ABHD6: variants seen among roughly 807,000 people sequenced by gnomAD.
ABHD6 encodes abhydrolase domain containing 6, acylglycerol lipase, also known as monoacylglycerol lipase ABHD6.
A neutral mutation model predicts 38.8 loss-of-function variants in ABHD6; 33 were observed. That is an observed-to-expected ratio of 0.85 (90% CI 0.64 to 1.14). The LOEUF (loss-of-function observed/expected upper bound fraction) is 1.14. ABHD6 is among the 50% of genes most tolerant of loss of function. The probability of loss-of-function intolerance (pLI) is 0.00; values close to 1 mark genes in which losing one functional copy is unlikely to be tolerated. For synonymous variants in ABHD6, 147 were observed against 161.6 expected (o/e 0.91, Z 0.69); for missense variants, 380 against 422.6 (o/e 0.90, Z 0.88).
intron 1 of ABHD6, among the ~76,000 whole-genome samples, chr3:58,245,523 A>G (rs1032908750): frequency 1.3e-5 from 2 of 151,914 alleles, no homozygotes; most frequent in African/African-American, 2.4e-5. Flanking sequence ...TCATGCCTGT[A>G]ATCCCAGCAC....
intron 7 of ABHD6, among the ~76,000 whole-genome samples, chr3:58,279,492 C>G (rs2097451318): frequency 6.6e-6 from 1 of 152,050 alleles, no homozygotes; most frequent in Non-Finnish European, 1.5e-5. Flanking sequence ...CTATGTGTGT[C>G]TCTGCATGTG....
Position 58,290,035 on chromosome 3 carries a change from G to C in ABHD6, c.838-3554G>C, listed in dbSNP as rs1366296721. Among the ~76,000 whole-genome samples the C allele has an allele frequency of 1.3e-4, 17 of 129,252 alleles. No homozygotes were observed. The South Asian group carries it at 3.3e-3, about 25-fold the overall frequency. 84.8% of individuals were successfully genotyped at this position (129,252 alleles called of 152,430 possible). A position where few individuals can be genotyped will look rare whatever the true frequency, so the allele number is the denominator to read the frequency against. On this transcript the variant is annotated intron_variant, in intron 9 of 9. Coordinates refer to ENST00000478253, the MANE Select transcript of ABHD6 (RefSeq NM_001320126.2). ...TCCCGGACGGGGCGGCTGGCCGGGCGGGGGGCTGACATCCCCACCTCCCTC... is the reference window on the plus strand; with the variant it reads ...TCCCGGACGGGGCGGCTGGCCGGGCCGGGGGCTGACATCCCCACCTCCCTC...
rs772920803 is a variant in ABHD6, at chr3:58,267,265, G to A, written c.196G>A (p.Gly66Ser). The change falls in exon 4 of 10, where the codon GGC (glycine) becomes AGC (serine). Residue 66 changes from glycine to serine, a missense_variant. By Grantham distance (56) the Gly-to-Ser change is moderately conservative (BLOSUM62 0). Transcript: ENST00000478253. This position sits in a 1 kb window ranked among gnomAD's most constrained non-coding sequence, Gnocchi z 4.3. ...EDYQFCYSFR[G>S]RPGHKPSILM... ...CTATCAGTTCTGTTATTCCTTCCGGGGCAGGCCTGGGCACAAACCCTCCAT... is the reference window on the plus strand; with the variant it reads ...CTATCAGTTCTGTTATTCCTTCCGGAGCAGGCCTGGGCACAAACCCTCCAT... 1.4e-5 allele frequency: 23 copies of A among 1,614,110 alleles called. No homozygotes were observed. In the African/African-American group the frequency reaches 2.9e-4, roughly 21 times the overall value.
Position 58,238,823 on chromosome 3 carries a change from C to T in ABHD6, c.-91+907C>T, listed in dbSNP as rs1467276279. On this transcript the variant is annotated intron_variant, in intron 1 of 9. Transcript: ENST00000478253. This position sits in a 1 kb window ranked among gnomAD's most constrained non-coding sequence, Gnocchi z 6.9. ...GGGACCTGGAGGCCCTCATTTATCTCGCCGCCCCCCTCCCCGCTGCTCCCG... is the reference window on the plus strand; with the variant it reads ...GGGACCTGGAGGCCCTCATTTATCTTGCCGCCCCCCTCCCCGCTGCTCCCG... 1.3e-5 allele frequency among the ~76,000 whole-genome samples: 2 copies of T among 152,160 alleles called. No individual in the cohort carries two copies. The highest frequency in any genetic ancestry group is 2.4e-5 in the African/African-American group (1 of 41,436).
chr3:58,271,409 T>A (rs893877271), intron 6 of ABHD6, among the ~76,000 whole-genome samples: 3 of 152,196 alleles, frequency 2.0e-5, no homozygotes, highest in Non-Finnish European at 4.4e-5. Flanking sequence ...CTTTGAAATA[T>A]AATGTTACTA....
At chr3:58,281,915 A>T (rs11717783) in intron 7 of ABHD6, among the ~76,000 whole-genome samples, 14,073 of 152,228 alleles carry the variant, frequency 0.092, 758 homozygotes, top group African/African-American at 0.13. Flanking sequence ...TAGGAGTTCA[A>T]GACCAGCCTG....
At position 58,263,489 on chromosome 3, in the gene ABHD6, C is replaced by T. The variant is rs1049743205; in HGVS notation, c.120-3700C>T. Among the ~76,000 whole-genome samples the T allele has an allele frequency of 6.6e-6, 1 of 152,112 alleles. No individual in the cohort carries two copies. The highest frequency in any genetic ancestry group is 1.5e-5 in the Non-Finnish European group (1 of 68,032). On this transcript the variant is annotated intron_variant, in intron 3 of 9. Coordinates refer to ENST00000478253, the MANE Select transcript of ABHD6 (RefSeq NM_001320126.2). This position sits in a 1 kb window ranked among gnomAD's most constrained non-coding sequence, Gnocchi z 4.9. The stretch of plus-strand genomic sequence containing the variant: ...GATGTACCAATTAAATGAAAAATAT[C>T]GAGTAGTACCAAAGAGCTCTGTCTG...
rs1034884954 is a variant in ABHD6, at chr3:58,265,692, G to T, written c.120-1497G>T. ...CAGACTAGATAATTTATAAAGAAAA[G>T]AAATTTGTTTGGCTTATTGTTCTGG... On this transcript the variant is annotated intron_variant, in intron 3 of 9. Coordinates refer to ENST00000478253, the MANE Select transcript of ABHD6 (RefSeq NM_001320126.2). This position sits in a 1 kb window ranked among gnomAD's most constrained non-coding sequence, Gnocchi z 4.2. Among the ~76,000 whole-genome samples, 21 of 152,174 alleles carry T rather than the reference G, an allele frequency of 1.4e-4. No individual in the cohort carries two copies. The highest frequency in any genetic ancestry group is 2.1e-4 in the Non-Finnish European group (14 of 68,032).
At chr3:58,283,777 A>G (rs1480890989) in intron 7 of ABHD6, among the ~76,000 whole-genome samples, 1 of 152,204 alleles carries the variant, frequency 6.6e-6, no homozygotes, top group Non-Finnish European at 1.5e-5. Context: ...TTCAGGATGG[A>G]TGGCTGCATT....
Position 58,267,048 on chromosome 3 carries a change from A to G in ABHD6, c.120-141A>G. 1.1e-6 allele frequency: 1 copy of G among 897,322 alleles called. No homozygotes were observed. The highest frequency in any genetic ancestry group is 1.7e-5 in the African/African-American group (1 of 59,934). 55.6% of individuals were successfully genotyped at this position (897,322 alleles called of 1,614,324 possible). Reference sequence around the variant, plus strand: ...TGAGGGTAAAGCTCAGGAGGACTCTAGAGACTGATGGAGGACAAGGGCTGG... The same window carrying G: ...TGAGGGTAAAGCTCAGGAGGACTCTGGAGACTGATGGAGGACAAGGGCTGG... On this transcript the variant is annotated intron_variant, in intron 3 of 9. Coordinates refer to ENST00000478253, the MANE Select transcript of ABHD6 (RefSeq NM_001320126.2). This position sits in a 1 kb window ranked among gnomAD's most constrained non-coding sequence, Gnocchi z 4.3.
At chr3:58,289,327 C>G (rs1325741953) in intron 9 of ABHD6, among the ~76,000 whole-genome samples, 1 of 151,466 alleles carries the variant, frequency 6.6e-6, no homozygotes, top group African/African-American at 2.4e-5. Context: ...GGGAAGGTCA[C>G]CAGATAAACA....
At position 58,293,877 on chromosome 3, in the gene ABHD6, C is replaced by A. The variant is rs900176598; in HGVS notation, c.*112C>A. Reference sequence around the variant, plus strand: ...CCAAATGCGGTCGGAGCGCCAGTGACCCTGAGGAAGCCCGTCCCTTATCCC... The same window carrying A: ...CCAAATGCGGTCGGAGCGCCAGTGAACCTGAGGAAGCCCGTCCCTTATCCC... On this transcript the variant is annotated 3_prime_UTR_variant, in exon 10 of 10. Transcript: ENST00000478253. This position sits in a 1 kb window ranked among gnomAD's most constrained non-coding sequence, Gnocchi z 4.4. 7.9e-7 allele frequency: 1 copy of A among 1,266,800 alleles called. No homozygotes were observed. Among genetic ancestry groups the A allele is most frequent in the Non-Finnish European group, 1.1e-6 (1 of 926,398 alleles). 78.5% of individuals were successfully genotyped at this position (1,266,800 alleles called of 1,614,324 possible).
rs1243997308 is a variant in ABHD6, at chr3:58,273,893, A to AG, written c.524-764dup. Among the ~76,000 whole-genome samples, 15 of 152,232 alleles carry AG rather than the reference A, an allele frequency of 9.9e-5. No individual in the cohort carries two copies. The highest frequency in any genetic ancestry group is 1.5e-4 in the Non-Finnish European group (10 of 68,032). ...GTATCCCAGAACTTAAAGTAAAAAA[A>AG]GAAAAAAAAATCTAATTATTTGGCT... On this transcript the variant is annotated intron_variant, in intron 6 of 9. Coordinates refer to ENST00000478253, the MANE Select transcript of ABHD6 (RefSeq NM_001320126.2). The surrounding 1 kb of genome is among the most constrained non-coding windows in gnomAD (Gnocchi z 4.8).
chr3:58,277,753 A>G (rs192426931), intron 7 of ABHD6, among the ~76,000 whole-genome samples: 8 of 152,272 alleles, frequency 5.3e-5, no homozygotes, highest in Admixed American at 3.3e-4. Flanking sequence ...GGTTTGTCAT[A>G]AATAGCTCTT....
chr3:58,242,225 A>T (rs2097423345), intron 1 of ABHD6, among the ~76,000 whole-genome samples: 1 of 152,114 alleles, frequency 6.6e-6, no homozygotes, highest in Non-Finnish European at 1.5e-5. Flanking sequence ...TGATAGAAGA[A>T]GATGACCCTT....
In ABHD6 at chr3:58,291,698, G is replaced by A. The variant is rs1444622723; in HGVS notation, c.838-1891G>A. Among the ~76,000 whole-genome samples, 6 of 152,230 alleles carry A rather than the reference G, an allele frequency of 3.9e-5. No homozygotes were observed. The East Asian group carries it at 1.2e-3, about 29-fold the overall frequency. ...GGTGGCCATGGAGAATGATGGATTT[G>A]TAACGCTAACCAGCAAACAGTGCCA... On this transcript the variant is annotated intron_variant, in intron 9 of 9. Coordinates refer to ENST00000478253, the MANE Select transcript of ABHD6 (RefSeq NM_001320126.2).
At chr3:58,272,552 C>T (rs867875906) in intron 6 of ABHD6, among the ~76,000 whole-genome samples, 42 of 152,088 alleles carry the variant, frequency 2.8e-4, no homozygotes, top group African/African-American at 9.9e-4. Flanking sequence ...AAAGGGTCTT[C>T]TCCTCTCTTT....
At position 58,257,513 on chromosome 3, in the gene ABHD6, C is replaced by T. The variant is rs1559773874; in HGVS notation, c.119+808C>T. On this transcript the variant is annotated intron_variant, in intron 3 of 9. Coordinates refer to ENST00000478253, the MANE Select transcript of ABHD6 (RefSeq NM_001320126.2). This position sits in a 1 kb window ranked among gnomAD's most constrained non-coding sequence, Gnocchi z 4.8. ...AAGTAGCTAGGACTACAGGCACGTG[C>T]CACCATGCCTAGCTAATTTTTATAT... Among the ~76,000 whole-genome samples, 1 of 152,074 alleles carries T rather than the reference C, an allele frequency of 6.6e-6. No homozygotes were observed. Among genetic ancestry groups the T allele is most frequent in the Non-Finnish European group, 1.5e-5 (1 of 68,018 alleles).
At chr3:58,247,410 G>C (rs926795494) in intron 1 of ABHD6, among the ~76,000 whole-genome samples, 8 of 152,124 alleles carry the variant, frequency 5.3e-5, no homozygotes, top group African/African-American at 1.9e-4. Context: ...AGTGGCTGTT[G>C]AGCATTTGAC....
Sources: allele counts gnomAD v4.1 joint callset (sites outside exome capture counted in the v4.1 genomes callset), GRCh38; gene constraint gnomAD v4.1.1; non-coding constraint Gnocchi (gnomAD v3.1); transcripts MANE v1.5; gene names NCBI Gene and HGNC (gene_info 2026-07-23, HGNC 2026-07-21).